COPS2: variants seen among roughly 807,000 people sequenced by gnomAD.
COPS2 encodes the protein COP9 signalosome subunit 2.
In COPS2, 10 loss-of-function variants were observed where a neutral mutation model predicts 66.1. The observed-to-expected ratio is 0.15, with a 90% CI of 0.09 to 0.26. The LOEUF is 0.26. Ranked by LOEUF, COPS2 falls within the 10% of genes least tolerant of loss-of-function variation. COPS2 has a pLI of 1.00. For synonymous variants in COPS2, 179 were observed against 171.3 expected, an observed-to-expected ratio of 1.04 and a Z score of -0.35; for missense variants, 215 against 513.3, an observed-to-expected ratio of 0.42 and a Z score of 5.62.
intron 10 of COPS2, among the ~76,000 whole-genome samples, chr15:49,130,401 A>AAAATTAACTTTGAACCTAAGCATC (rs1281771087): frequency 2.6e-5 from 4 of 152,190 alleles, no homozygotes; most frequent in Admixed American, 2.6e-4. Flanking sequence ...ATAAACCTTA[A>AAAATTAACTTTGAACCTAAGCATC]AAATTAACTT....
rs2084139432 is a variant in COPS2, at chr15:49,123,321, C to T, written c.*4629G>A. The T allele has an allele frequency of 6.6e-6, 1 of 152,020 alleles. No homozygotes were observed. The highest frequency in any genetic ancestry group is 2.1e-4 in the South Asian group (1 of 4,826). The allele number at this position is 152,020 out of a possible 1,614,324, so 9.4% of individuals were successfully genotyped here. ...CCTTTAGCAATTAATTTTAAAATGC[C>T]CTTACTTCAGAATTAAAAAATTACT... On this transcript the variant is annotated 3_prime_UTR_variant, in exon 13 of 13. Transcript: ENST00000388901.
Position 49,124,609 on chromosome 15 carries a change from G to C in COPS2, c.*3341C>G, listed in dbSNP as rs2084150455. The C allele has an allele frequency of 6.6e-6, 1 of 152,040 alleles. No individual in the cohort carries two copies. The highest frequency in any genetic ancestry group is 2.4e-5 in the African/African-American group (1 of 41,410). The allele number at this position is 152,040 out of a possible 1,614,324, so 9.4% of individuals were successfully genotyped here. A position where few individuals can be genotyped will look rare whatever the true frequency, so the allele number is the denominator to read the frequency against. On this transcript the variant is annotated 3_prime_UTR_variant, in exon 13 of 13. Transcript: ENST00000388901. The stretch of plus-strand genomic sequence containing the variant: ...TCTGGATAGTGTTCTTAAACACTTT[G>C]ATACAAAATAGTTAAATGTCAAATT...
chr15:49,152,285 T>TA (rs777485572), intron 1 of COPS2, among the ~76,000 whole-genome samples: 2 of 151,816 alleles, frequency 1.3e-5, no homozygotes, highest in African/African-American at 2.4e-5. Context: ...CTTTTTTTTT[T>TA]AAATATATGA....
At chr15:49,137,267 G>A in intron 5 of COPS2, 40 bp from the exon 6 acceptor site, 3 of 1,541,800 alleles carry the variant, frequency 1.9e-6, no homozygotes, top group Non-Finnish European at 2.7e-6. Flanking sequence ...GATTTCAACA[G>A]AAGATGTGCA....
chr15:49,144,788 T>C (rs933934087), intron 2 of COPS2, among the ~76,000 whole-genome samples, 177 bp downstream of exon 2: 8 of 152,180 alleles, frequency 5.3e-5, no homozygotes, highest in Non-Finnish European at 8.8e-5. Flanking sequence ...GACAGCTTGA[T>C]TGGAAAAAAC....
intron 2 of COPS2, 73 bp from the exon 3 acceptor site, chr15:49,144,377 G>A (rs2141130730): frequency 2.4e-6 from 2 of 843,266 alleles, no homozygotes; most frequent in Non-Finnish European, 4.0e-6. Context: ...CAATGTGTAA[G>A]TATTGAATTA....
intron 1 of COPS2, among the ~76,000 whole-genome samples, chr15:49,147,427 G>A (rs749914187): frequency 6.6e-6 from 1 of 152,062 alleles, no homozygotes; most frequent in African/African-American, 2.4e-5. Context: ...GTCAGGTTTC[G>A]AGAAGAGGAA....
At chr15:49,130,675 G>C (rs1305156408) in intron 10 of COPS2, 44 bp downstream of exon 10, 1 of 1,176,590 alleles carries the variant, frequency 8.5e-7, no homozygotes, top group Admixed American at 1.8e-5. Flanking sequence ...TTCTTTGACA[G>C]TGGCAAAGAA....
chr15:49,151,941 T>G (rs949523111), intron 1 of COPS2, among the ~76,000 whole-genome samples: 1 of 151,996 alleles, frequency 6.6e-6, no homozygotes, highest in Non-Finnish European at 1.5e-5. Context: ...CCTAACTACC[T>G]ATTTCTACCA....
intron 4 of COPS2, among the ~76,000 whole-genome samples, chr15:49,138,338 T>C (rs1038288602): frequency 3.9e-5 from 6 of 151,948 alleles, no homozygotes; most frequent in Non-Finnish European, 7.3e-5. Flanking sequence ...TCTCTATTTA[T>C]GCATGACTGC....
intron 12 of COPS2, among the ~76,000 whole-genome samples, chr15:49,128,429 T>C (rs561807946): frequency 1.1e-4 from 17 of 152,338 alleles, no homozygotes; most frequent in Non-Finnish European, 8.8e-5. Flanking sequence ...ACCCTATACT[T>C]AAAAACATAC....
At chr15:49,151,542 G>A (rs1383368880) in intron 1 of COPS2, among the ~76,000 whole-genome samples, 5 of 152,074 alleles carry the variant, frequency 3.3e-5, no homozygotes. Context: ...AGAACGATTG[G>A]ACTGCGGAAT....
chr15:49,132,305 C>T (rs2084216044), intron 9 of COPS2, among the ~76,000 whole-genome samples: 1 of 150,372 alleles, frequency 6.7e-6, no homozygotes, highest in South Asian at 2.1e-4. Flanking sequence ...AATGTGGTAA[C>T]TTAAGGTTTT....
rs1394721773 is a variant in COPS2 at position 49,128,064 on chromosome 15, G to A, written c.1218C>T (p.Asn406=). The stretch of plus-strand genomic sequence containing the variant: ...TCTGATGATCCAGTTCAAGGAGTTG[G>A]TTGACTTGATCAATTCGGCCATGAA... ...NTIHGRIDQV[N]QLLELDHQKR... The change falls in exon 13 of 13, where the codon AAC becomes AAT. Residue 406 remains asparagine, a synonymous_variant. Coordinates refer to ENST00000388901, the MANE Select transcript of COPS2 (RefSeq NM_004236.4). 7 of 1,613,752 alleles carry A rather than the reference G, an allele frequency of 4.3e-6. No individual in the cohort carries two copies. Among genetic ancestry groups the A allele is most frequent in the Non-Finnish European group, 5.9e-6 (7 of 1,179,796 alleles).
chr15:49,147,087 C>T (rs2084326155), intron 1 of COPS2, among the ~76,000 whole-genome samples: 1 of 152,116 alleles, frequency 6.6e-6, no homozygotes, highest in Admixed American at 6.5e-5. Flanking sequence ...AGTAAAGAAT[C>T]ACAGCTATAA....
intron 1 of COPS2, among the ~76,000 whole-genome samples, chr15:49,146,874 T>C (rs2084324413): frequency 6.6e-6 from 1 of 152,214 alleles, no homozygotes; most frequent in Admixed American, 6.5e-5. Flanking sequence ...TTGACTCCTG[T>C]GTCCAACCTT....
intron 3 of COPS2, 80 bp from the exon 4 acceptor site, chr15:49,139,733 A>T: frequency 2.0e-6 from 2 of 1,010,480 alleles, no homozygotes; most frequent in South Asian, 3.4e-5. Context: ...TATAGAATAC[A>T]CTACTACATA....
chr15:49,149,592 A>C (rs2084344751), intron 1 of COPS2, among the ~76,000 whole-genome samples: 1 of 152,200 alleles, frequency 6.6e-6, no homozygotes, highest in South Asian at 2.1e-4. Context: ...GGTGAGTTAA[A>C]ATAAAAGGTG....
At chr15:49,139,687 A>C (rs776544171) in intron 3 of COPS2, 34 bp from the exon 4 acceptor site, 1 of 1,519,616 alleles carries the variant, frequency 6.6e-7, no homozygotes, top group South Asian at 1.2e-5. Flanking sequence ...ATCAGATGCA[A>C]ATTTAGGTAC....
Sources: allele counts gnomAD v4.1 joint callset (sites outside exome capture counted in the v4.1 genomes callset), GRCh38; gene constraint gnomAD v4.1.1; transcripts MANE v1.5; gene names NCBI Gene and HGNC (gene_info 2026-07-23, HGNC 2026-07-21).